Variants in ANK2 observed in about 807,000 individuals in gnomAD.
The protein encoded by ANK2 is ankyrin 2.
ANK2 carries 83 observed loss-of-function variants against 360.5 expected under a neutral mutation model. The ratio of observed to expected loss-of-function variants is 0.23; its 90% CI spans 0.19 to 0.28. The LOEUF is 0.28. ANK2 is among the 10% of genes least tolerant of loss of function. The pLI, the probability that ANK2 is intolerant of heterozygous loss-of-function variation, is 1.00. For synonymous variants in ANK2, 1,740 were observed against 1,759.5 expected (o/e 0.99, Z 0.28); for missense variants, 4,201 against 4,795.7 (o/e 0.88, Z 3.66).
chr4:112,989,641 C>A (rs1221944183), intron 2 of ANK2, among the ~76,000 whole-genome samples: 1 of 152,144 alleles, frequency 6.6e-6, no homozygotes, highest in Non-Finnish European at 1.5e-5. Flanking sequence ...TATCCTGCAG[C>A]CTCATAGTGT....
intron 1 of ANK2, among the ~76,000 whole-genome samples, chr4:113,156,397 T>C (rs1253481750): frequency 8.3e-6 from 1 of 120,190 alleles, no homozygotes; most frequent in Non-Finnish European, 2.0e-5. Context: ...TGAGACAGAG[T>C]TTCACTCCCA....
chr4:112,940,756 T>G (rs2154246311), intron 2 of ANK2, among the ~76,000 whole-genome samples: 1 of 152,258 alleles, frequency 6.6e-6, no homozygotes, highest in East Asian at 1.9e-4. Flanking sequence ...CTGTAAACTC[T>G]TTTTTGCATG....
intron 13 of ANK2, among the ~76,000 whole-genome samples, chr4:113,260,215 T>G (rs1228885535): frequency 6.6e-6 from 1 of 152,180 alleles, no homozygotes; most frequent in African/African-American, 2.4e-5. Context: ...TTCCAAATCT[T>G]CAGGTGGTTA....
intron 1 of ANK2, among the ~76,000 whole-genome samples, chr4:112,823,213 A>T (rs544985956): frequency 2.0e-5 from 3 of 152,212 alleles, no homozygotes; most frequent in Non-Finnish European, 2.9e-5. Context: ...TGGATATGCA[A>T]TAGTCAGTTT....
In ANK2 at chr4:113,363,412, G is replaced by T. The variant is rs369777545; in HGVS notation, c.10831G>T (p.Asp3611Tyr). 4 of 1,613,424 alleles carry T rather than the reference G, an allele frequency of 2.5e-6. No homozygotes were observed. Among genetic ancestry groups the T allele is most frequent in the Non-Finnish European group, 3.4e-6 (4 of 1,179,678 alleles). The change falls in exon 40 of 46, where the codon GAC (aspartate) becomes TAC (tyrosine). Residue 3611 changes from aspartate (D) to tyrosine (Y), a missense_variant. Transcript: ENST00000357077. Reference sequence around the variant, plus strand: ...AATTGAAAATCCCAACTCTCTTCAAGACCAGAGTCATGCACTGTTGAAGTA... The same window carrying T: ...AATTGAAAATCCCAACTCTCTTCAATACCAGAGTCATGCACTGTTGAAGTA... ...IRIENPNSLQ[D>Y]QSHALLKYWL... is the part of the protein sequence containing the mutation.
chr4:113,205,040 T>C (rs574967890), intron 4 of ANK2, among the ~76,000 whole-genome samples: 18 of 151,730 alleles, frequency 1.2e-4, no homozygotes, highest in Non-Finnish European at 1.9e-4. Flanking sequence ...TCGAGACCAT[T>C]CTGGCTAACA....
At chr4:113,179,974 C>T (rs545246922) in intron 2 of ANK2, among the ~76,000 whole-genome samples, 1 of 152,248 alleles carries the variant, frequency 6.6e-6, no homozygotes, top group Admixed American at 6.5e-5. Flanking sequence ...CTTAAAATGC[C>T]CTGAATTTTG....
intron 2 of ANK2, among the ~76,000 whole-genome samples, chr4:113,032,643 G>T (rs912305057): frequency 9.9e-5 from 15 of 152,026 alleles, no homozygotes; most frequent in African/African-American, 3.6e-4. Flanking sequence ...AGCTACTTCT[G>T]TTATTCAAAG....
At chr4:113,249,680 G>T in intron 9 of ANK2, 84 bp from the exon 10 acceptor site, 1 of 1,267,008 alleles carries the variant, frequency 7.9e-7, no homozygotes, top group South Asian at 1.3e-5. Flanking sequence ...TTGAGTTTAG[G>T]AACTCCCTCT....
At chr4:113,066,333 G>T (rs1032630284) in intron 1 of ANK2, among the ~76,000 whole-genome samples, 3 of 152,148 alleles carry the variant, frequency 2.0e-5, no homozygotes, top group African/African-American at 7.2e-5. Context: ...AAGGGTTACT[G>T]GTGGGGTGCC....
chr4:112,836,755 T>C (rs2061069876), intron 1 of ANK2, among the ~76,000 whole-genome samples: 1 of 152,212 alleles, frequency 6.6e-6, no homozygotes, highest in African/African-American at 2.4e-5. Flanking sequence ...TTAGGGTATC[T>C]GGCAGAAGAC....
At chr4:112,784,361 T>C in the ANK2 span, among the ~76,000 whole-genome samples, 25 of 139,026 alleles carry the variant, frequency 1.8e-4, no homozygotes, top group African/African-American at 4.6e-4. Flanking sequence ...TTTTTTTTTT[T>C]TTTTTTTTTT....
chr4:113,199,214 TA>T, intron 4 of ANK2, 105 bp downstream of exon 4: 1 of 897,644 alleles, frequency 1.1e-6, no homozygotes, highest in Non-Finnish European at 1.8e-6. Context: ...AAATTTATTA[TA>T]AGTGCTTTGT....
chr4:113,216,489 A>G (rs2099086981), intron 4 of ANK2, among the ~76,000 whole-genome samples: 1 of 152,242 alleles, frequency 6.6e-6, no homozygotes, highest in Non-Finnish European at 1.5e-5. Flanking sequence ...GGAGGTAAGA[A>G]TCCTGTTGAT....
chr4:112,726,478 A>C, the ANK2 span, among the ~76,000 whole-genome samples: 2 of 152,118 alleles, frequency 1.3e-5, no homozygotes, highest in African/African-American at 4.8e-5. Flanking sequence ...ATTCAGTATT[A>C]TTCTTCTTCC....
At chr4:112,829,340 A>G (rs887063114) in intron 1 of ANK2, among the ~76,000 whole-genome samples, 2 of 151,952 alleles carry the variant, frequency 1.3e-5, no homozygotes, top group South Asian at 2.1e-4. Flanking sequence ...TGTTGGGTAC[A>G]TATATATTTA....
chr4:113,252,009 A>T (rs1241741566), intron 10 of ANK2, among the ~76,000 whole-genome samples: 1 of 152,106 alleles, frequency 6.6e-6, no homozygotes, highest in Non-Finnish European at 1.5e-5. Context: ...ACTGATAAAG[A>T]CATACTTGAG....
chr4:113,136,531 A>C (rs2154381754), intron 1 of ANK2, among the ~76,000 whole-genome samples: 1 of 152,004 alleles, frequency 6.6e-6, no homozygotes, highest in Middle Eastern at 3.4e-3. Flanking sequence ...AAAATACAAA[A>C]ATTAGCCAGG....
At chr4:113,154,041 G>T (rs181263189) in intron 1 of ANK2, among the ~76,000 whole-genome samples, 1 of 152,228 alleles carries the variant, frequency 6.6e-6, no homozygotes, top group African/African-American at 2.4e-5. Flanking sequence ...TCTTATCCAG[G>T]TTAATTCAAT....
Sources: allele counts gnomAD v4.1 joint callset (sites outside exome capture counted in the v4.1 genomes callset), GRCh38; gene constraint gnomAD v4.1.1; transcripts MANE v1.5; gene names NCBI Gene and HGNC (gene_info 2026-07-23, HGNC 2026-07-21).